Variants in AUTS2 observed in about 807,000 individuals in gnomAD.
AUTS2 encodes the protein autism susceptibility gene 2 protein.
Under a neutral mutation model 112.4 loss-of-function variants are expected in AUTS2, and 17 were observed. The observed-to-expected ratio is 0.15, with a 90% CI of 0.10 to 0.23. The LOEUF is 0.23. AUTS2 is among the 10% of genes least tolerant of loss of function. The pLI, the probability that AUTS2 is intolerant of heterozygous loss-of-function variation, is 1.00. For synonymous variants in AUTS2, 751 were observed against 702.7 expected (o/e 1.07, Z -1.09); for missense variants, 1,510 against 1,701.6 (o/e 0.89, Z 1.98).
Position 69,814,494 on chromosome 7 carries a change from G to A in AUTS2, c.310-84792G>A, listed in dbSNP as rs557934428. ...TGACGTGGACCCATTGTGTGTATGGGCTCCTCCCGCTGTACCAGTGGCCAG... is the reference window on the plus strand; with the variant it reads ...TGACGTGGACCCATTGTGTGTATGGACTCCTCCCGCTGTACCAGTGGCCAG... On this transcript the variant is annotated intron_variant, in intron 1 of 18. Transcript: ENST00000342771. 2.9e-4 allele frequency among the ~76,000 whole-genome samples: 44 copies of A among 152,366 alleles called. No individual in the cohort carries two copies. The South Asian group carries it at 8.9e-3, about 31-fold the overall frequency.
At chr7:69,797,636 C>G (rs917982883) in intron 1 of AUTS2, among the ~76,000 whole-genome samples, 1 of 152,180 alleles carries the variant, frequency 6.6e-6, no homozygotes, top group South Asian at 2.1e-4. Flanking sequence ...GACCTCTGCT[C>G]TCATGTGGGC....
chr7:70,316,092 A>G (rs1562874585), intron 4 of AUTS2, among the ~76,000 whole-genome samples: 1 of 152,270 alleles, frequency 6.6e-6, no homozygotes. Flanking sequence ...GCAGTATAAA[A>G]TAAAGCAAAA....
intron 5 of AUTS2, among the ~76,000 whole-genome samples, chr7:70,623,150 C>T (rs1275596676): frequency 2.0e-5 from 3 of 152,178 alleles, no homozygotes; most frequent in Non-Finnish European, 4.4e-5. Flanking sequence ...CCAGCATGGC[C>T]CAACCCCAGA....
chr7:69,990,618 G>A (rs1211478296), intron 2 of AUTS2, among the ~76,000 whole-genome samples: 2 of 152,176 alleles, frequency 1.3e-5, no homozygotes, highest in Non-Finnish European at 2.9e-5. Context: ...TATATCTACA[G>A]CCTTTACTAA....
At chr7:70,592,524 G>C (rs1802997911) in intron 5 of AUTS2, among the ~76,000 whole-genome samples, 1 of 152,112 alleles carries the variant, frequency 6.6e-6, no homozygotes, top group African/African-American at 2.4e-5. Flanking sequence ...ACCATACCCA[G>C]TTAATTTTTG....
At chr7:69,725,913 A>G (rs774263143) in intron 1 of AUTS2, among the ~76,000 whole-genome samples, 13 of 152,212 alleles carry the variant, frequency 8.5e-5, no homozygotes, top group Admixed American at 3.3e-4. Flanking sequence ...AACAATTACA[A>G]TCTTGGCTTG....
chr7:69,994,281 C>T (rs1396174506), intron 2 of AUTS2, among the ~76,000 whole-genome samples: 1 of 152,206 alleles, frequency 6.6e-6, no homozygotes, highest in Admixed American at 6.5e-5. Context: ...TTCACAACTT[C>T]ATTATCGTTA....
chr7:70,761,510 A>G (rs896836689), intron 6 of AUTS2, among the ~76,000 whole-genome samples: 5 of 152,236 alleles, frequency 3.3e-5, no homozygotes, highest in Admixed American at 3.3e-4. Flanking sequence ...GTGTAGTAAT[A>G]AAAGGATGCA....
chr7:69,723,062 A>G (rs1294732251), intron 1 of AUTS2, among the ~76,000 whole-genome samples: 1 of 152,148 alleles, frequency 6.6e-6, no homozygotes, highest in Non-Finnish European at 1.5e-5. Flanking sequence ...GTCATGTTGT[A>G]CGTGCAGCTG....
At chr7:69,820,676 A>T (rs928893261) in intron 1 of AUTS2, among the ~76,000 whole-genome samples, 6 of 152,242 alleles carry the variant, frequency 3.9e-5, no homozygotes, top group African/African-American at 1.4e-4. Context: ...AGCAGGGATC[A>T]TCAAGGCAGT....
intron 9 of AUTS2, among the ~76,000 whole-genome samples, chr7:70,767,375 A>G (rs1359041139): frequency 6.6e-6 from 1 of 152,206 alleles, no homozygotes; most frequent in Non-Finnish European, 1.5e-5. Context: ...CAAATCCTGT[A>G]TCTCTTTTTT....
At chr7:70,351,854 A>C (rs1428701737) in intron 4 of AUTS2, among the ~76,000 whole-genome samples, 1 of 151,942 alleles carries the variant, frequency 6.6e-6, no homozygotes, top group African/African-American at 2.4e-5. Context: ...GGTGCCTGCT[A>C]GCACACCCAA....
chr7:70,166,687 C>CA (rs1187775792), intron 4 of AUTS2, among the ~76,000 whole-genome samples: 1 of 150,752 alleles, frequency 6.6e-6, no homozygotes, highest in South Asian at 2.1e-4. Context: ...CAAAAGAAGG[C>CA]AAAAAAATTA....
chr7:70,068,333 C>A (rs1473985961), intron 2 of AUTS2, among the ~76,000 whole-genome samples: 1 of 151,668 alleles, frequency 6.6e-6, no homozygotes, highest in Non-Finnish European at 1.5e-5. Context: ...ACCTGCCACC[C>A]CACCCGGCTA....
chr7:69,825,405 T>A (rs906585136), intron 1 of AUTS2, among the ~76,000 whole-genome samples: 2 of 152,182 alleles, frequency 1.3e-5, no homozygotes, highest in African/African-American at 4.8e-5. Context: ...AGGGTATAAC[T>A]GGGCTGAGAG....
chr7:70,763,433 G>T, intron 7 of AUTS2, 92 bp downstream of exon 7: 2 of 901,858 alleles, frequency 2.2e-6, no homozygotes, highest in Non-Finnish European at 3.4e-6. Context: ...GGGAGACTGA[G>T]GTTTCCTTGT....
At chr7:70,634,431 T>C (rs1381314750) in intron 5 of AUTS2, among the ~76,000 whole-genome samples, 1 of 152,200 alleles carries the variant, frequency 6.6e-6, no homozygotes, top group African/African-American at 2.4e-5. Flanking sequence ...CATCCCCCAT[T>C]TGCTGTTCGG....
At chr7:70,620,365 C>T (rs1174481137) in intron 5 of AUTS2, among the ~76,000 whole-genome samples, 1 of 152,170 alleles carries the variant, frequency 6.6e-6, no homozygotes, top group African/African-American at 2.4e-5. Flanking sequence ...AGAAATTCTC[C>T]AGCGGAGCGT....
intron 5 of AUTS2, among the ~76,000 whole-genome samples, chr7:70,679,913 T>C (rs187155118): frequency 6.8e-4 from 104 of 152,322 alleles, no homozygotes; most frequent in Non-Finnish European, 1.4e-3. Flanking sequence ...TTTGGTTTTG[T>C]TTTTAAAACA....
Sources: allele counts gnomAD v4.1 joint callset (sites outside exome capture counted in the v4.1 genomes callset), GRCh38; gene constraint gnomAD v4.1.1; transcripts MANE v1.5; gene names NCBI Gene and HGNC (gene_info 2026-07-23, HGNC 2026-07-21).